The following GALNT13 variants were observed in gnomAD, a reference collection of about 807,000 sequenced individuals.
GALNT13 encodes the protein UDP-GalNAc:polypeptide N-acetylgalactosaminyltransferase 13.
In GALNT13, 28 loss-of-function variants were observed where a neutral mutation model predicts 64.2. The ratio of observed to expected loss-of-function variants is 0.44; its 90% CI spans 0.32 to 0.60. The LOEUF (loss-of-function observed/expected upper bound fraction) is 0.60. GALNT13 is among the 20% of genes least tolerant of loss of function. GALNT13 has a pLI of 0.05. For synonymous variants in GALNT13, 214 were observed against 224.6 expected, an observed-to-expected ratio of 0.95 and a Z score of 0.42; for missense variants, 577 against 669.8, an observed-to-expected ratio of 0.86 and a Z score of 1.53.
At chr2:153,254,453 T>C in the GALNT13 span, among the ~76,000 whole-genome samples, 1 of 152,214 alleles carries the variant, frequency 6.6e-6, no homozygotes, top group Admixed American at 6.5e-5. Flanking sequence ...AAGGGTTTTT[T>C]GTGTCTCTAT....
chr2:154,388,532 A>T (rs888252273), intron 9 of GALNT13, among the ~76,000 whole-genome samples: 3 of 152,158 alleles, frequency 2.0e-5, no homozygotes, highest in Non-Finnish European at 4.4e-5. Context: ...TAAATTTAAA[A>T]TTTTAATCCA....
intron 9 of GALNT13, among the ~76,000 whole-genome samples, chr2:154,308,613 T>G (rs1693870594): frequency 6.6e-6 from 1 of 152,144 alleles, no homozygotes; most frequent in Non-Finnish European, 1.5e-5. Context: ...CAGGAATTCA[T>G]CTGAAAATAG....
intron 9 of GALNT13, among the ~76,000 whole-genome samples, chr2:154,354,220 A>C (rs1027245549): frequency 1.3e-5 from 2 of 151,998 alleles, no homozygotes; most frequent in Non-Finnish European, 2.9e-5. Context: ...ATTTCTGTTC[A>C]GGTCTTTTGC....
At chr2:153,814,216 G>A in the GALNT13 span, among the ~76,000 whole-genome samples, 3 of 152,136 alleles carry the variant, frequency 2.0e-5, no homozygotes, top group African/African-American at 2.4e-5. Flanking sequence ...CGAGGTGGGC[G>A]GATCACGAGG....
Position 154,196,905 on chromosome 2 carries a change from G to C in GALNT13, c.312-45125G>C, listed in dbSNP as rs1468597375. On this transcript the variant is annotated intron_variant, in intron 4 of 12. Transcript: ENST00000392825. ...ATATATCCTATGCTTAAGCATCATG[G>C]GTTCTAATCTTGATTGGTTTTTACT... is the stretch of plus-strand genomic sequence containing the variant. Among the ~76,000 whole-genome samples, 5 of 152,184 alleles carry C rather than the reference G, an allele frequency of 3.3e-5. No individual in the cohort carries two copies. In the East Asian group the frequency reaches 7.7e-4, roughly 24 times the overall value.
the GALNT13 span, among the ~76,000 whole-genome samples, chr2:153,626,225 A>C: frequency 6.6e-6 from 1 of 152,116 alleles, no homozygotes; most frequent in African/African-American, 2.4e-5. Flanking sequence ...GAGTACACAT[A>C]AGGTGAAAGG....
chr2:153,209,629 A>T, the GALNT13 span, among the ~76,000 whole-genome samples: 1 of 152,142 alleles, frequency 6.6e-6, no homozygotes, highest in South Asian at 2.1e-4. Context: ...ATTATTAAAA[A>T]TTATTTTATG....
the GALNT13 span, among the ~76,000 whole-genome samples, chr2:153,647,119 G>A: frequency 6.6e-6 from 1 of 152,096 alleles, no homozygotes; most frequent in South Asian, 2.1e-4. Flanking sequence ...ATCCTCTCCA[G>A]CACCTGTTGT....
At chr2:153,078,477 A>G in the GALNT13 span, among the ~76,000 whole-genome samples, 2 of 151,808 alleles carry the variant, frequency 1.3e-5, no homozygotes, top group African/African-American at 4.8e-5. Context: ...ACACTTGGCT[A>G]ATTTTTGTAT....
At chr2:153,299,748 A>G in the GALNT13 span, among the ~76,000 whole-genome samples, 4 of 152,188 alleles carry the variant, frequency 2.6e-5, no homozygotes, top group Admixed American at 6.5e-5. Context: ...TGAGGGCTGA[A>G]TGGAGGATCT....
chr2:153,751,652 C>A, the GALNT13 span, among the ~76,000 whole-genome samples: 2 of 151,774 alleles, frequency 1.3e-5, no homozygotes, highest in African/African-American at 4.8e-5. Context: ...CTACTTCTGT[C>A]CTTTTTTAGT....
chr2:153,935,248 A>C (rs1343317612), intron 2 of GALNT13, among the ~76,000 whole-genome samples: 3 of 152,154 alleles, frequency 2.0e-5, no homozygotes, highest in African/African-American at 7.2e-5. Flanking sequence ...GACACAAGGG[A>C]GTTTACATAG....
intron 3 of GALNT13, among the ~76,000 whole-genome samples, chr2:153,962,732 A>T (rs758430300): frequency 2.6e-5 from 4 of 152,134 alleles, no homozygotes; most frequent in Non-Finnish European, 5.9e-5. Flanking sequence ...GGACAAATGG[A>T]TCTCAGATTT....
At chr2:153,115,393 A>G in the GALNT13 span, among the ~76,000 whole-genome samples, 1 of 152,218 alleles carries the variant, frequency 6.6e-6, no homozygotes, top group Non-Finnish European at 1.5e-5. Flanking sequence ...GTTAAGACAC[A>G]TTAGAAAGTG....
chr2:153,444,131 C>A, the GALNT13 span, among the ~76,000 whole-genome samples: 2 of 152,208 alleles, frequency 1.3e-5, no homozygotes, highest in South Asian at 2.1e-4. Context: ...ATCTATCTAT[C>A]CATTTATTCA....
intron 9 of GALNT13, among the ~76,000 whole-genome samples, chr2:154,362,930 TA>T (rs777845182): frequency 7.2e-5 from 11 of 152,304 alleles, no homozygotes; most frequent in South Asian, 4.1e-4. Flanking sequence ...ATAACAGATT[TA>T]AATCACAAAT....
chr2:153,723,626 G>T, the GALNT13 span, among the ~76,000 whole-genome samples: 5 of 152,026 alleles, frequency 3.3e-5, no homozygotes, highest in African/African-American at 1.2e-4. Flanking sequence ...CAATATCAAT[G>T]TACAAAAATC....
At chr2:154,340,680 G>GACAAAGTC (rs1405453985) in intron 9 of GALNT13, among the ~76,000 whole-genome samples, 8 of 152,122 alleles carry the variant, frequency 5.3e-5, no homozygotes, top group Non-Finnish European at 1.5e-5. Context: ...AAATTCATAT[G>GACAAAGTC]ACAAAGTCCA....
At chr2:154,434,399 A>T (rs1388470385) in intron 11 of GALNT13, among the ~76,000 whole-genome samples, 1 of 152,116 alleles carries the variant, frequency 6.6e-6, no homozygotes, top group Non-Finnish European at 1.5e-5. Flanking sequence ...AGCTGGAACT[A>T]CAGGCGCCCA....
Sources: allele counts gnomAD v4.1 joint callset (sites outside exome capture counted in the v4.1 genomes callset), GRCh38; gene constraint gnomAD v4.1.1; transcripts MANE v1.5; gene names NCBI Gene and HGNC (gene_info 2026-07-23, HGNC 2026-07-21).